DPYSL2: variants seen among roughly 807,000 people sequenced by gnomAD.
DPYSL2 encodes the protein dihydropyrimidinase-related protein 2.
In DPYSL2, 13 loss-of-function variants were observed where a neutral mutation model predicts 69.9. That is an observed-to-expected ratio of 0.19 (90% confidence interval 0.12 to 0.30). The LOEUF is 0.30. DPYSL2 is among the 10% of genes least tolerant of loss of function. DPYSL2 has a pLI of 1.00. For synonymous variants in DPYSL2, 326 were observed against 359.1 expected (o/e 0.91, Z 1.04); for missense variants, 587 against 918.9 (o/e 0.64, Z 4.67).
intron 1 of DPYSL2, among the ~76,000 whole-genome samples, chr8:26,568,157 A>G (rs548183370): frequency 6.6e-5 from 10 of 152,324 alleles, no homozygotes; most frequent in African/African-American, 2.2e-4. Flanking sequence ...GATAGGAAGA[A>G]TTCTGTCTGG....
Position 26,617,363 on chromosome 8 carries a change from C to T in DPYSL2, c.629-6780C>T, listed in dbSNP as rs138454145. Among the ~76,000 whole-genome samples the T allele has an allele frequency of 5.3e-5, 8 of 152,234 alleles. No individual in the cohort carries two copies. The highest frequency in any genetic ancestry group is 1.9e-4 in the East Asian group (1 of 5,184). Reference sequence around the variant, plus strand: ...ATAATAAAATTAGACAGTGTGGTGGCGCACGCCTGTGGTCCTAGCTATTTG... The same window carrying T: ...ATAATAAAATTAGACAGTGTGGTGGTGCACGCCTGTGGTCCTAGCTATTTG... On this transcript the variant is annotated intron_variant, in intron 3 of 13. Transcript: ENST00000521913. The surrounding 1 kb of genome is among the most constrained non-coding windows in gnomAD (Gnocchi z 4.7).
chr8:26,655,873 C>T lies in DPYSL2; in HGVS notation c.*167C>T, dbSNP rs1803376937. 7 of 531,074 alleles carry T rather than the reference C, an allele frequency of 1.3e-5. No individual in the cohort carries two copies. The highest frequency in any genetic ancestry group is 4.0e-5 in the South Asian group (1 of 24,724). 32.9% of individuals were successfully genotyped at this position (531,074 alleles called of 1,614,324 possible). ...GGGTCCCCCTTGGGGCCCCACACCCCGTCTCTCACCAAGAGTTACTGATTT... is the reference window on the plus strand; with the variant it reads ...GGGTCCCCCTTGGGGCCCCACACCCTGTCTCTCACCAAGAGTTACTGATTT... On this transcript the variant is annotated 3_prime_UTR_variant, in exon 14 of 14. Transcript: ENST00000521913.
rs971953246 is a variant in DPYSL2, at chr8:26,610,659, CT to C, written c.629-13483del. On this transcript the variant is annotated intron_variant, in intron 3 of 13. Transcript: ENST00000521913. The surrounding 1 kb of genome is among the most constrained non-coding windows in gnomAD (Gnocchi z 4.5). The stretch of plus-strand genomic sequence containing the variant: ...AATCCTCTGTCCTAGCCTATCCCCC[CT>C]GCTCTCCCCTGGCATAGAAGGGTGC... Among the ~76,000 whole-genome samples the C allele has an allele frequency of 3.3e-5, 5 of 152,138 alleles. No homozygotes were observed. The highest frequency in any genetic ancestry group is 1.3e-4 in the Admixed American group (2 of 15,266).
rs751865740 is a variant in DPYSL2 at position 26,627,289 on chromosome 8, T to A, written c.930T>A (p.Ile310=). ...AQVHAENGDI[I]AEEQQRILDL... The stretch of plus-strand genomic sequence containing the variant: ...TCCACGCAGAAAATGGCGACATCAT[T>A]GCAGAGGTACAGGGCTTTCTTTTTC... Residue 310 remains isoleucine (I), a synonymous_variant, in exon 6 of 14, where the codon ATT becomes ATA. Coordinates refer to ENST00000521913, the MANE Select transcript of DPYSL2 (RefSeq NM_001197293.3). This position sits in a 1 kb window ranked among gnomAD's most constrained non-coding sequence, Gnocchi z 6.9. The A allele has an allele frequency of 6.2e-7, 1 of 1,614,170 alleles. No homozygotes were observed. The highest frequency in any genetic ancestry group is 1.1e-5 in the South Asian group (1 of 91,070).
Position 26,643,323 on chromosome 8 carries a change from C to A in DPYSL2, c.1127-116C>A. ...ATCTGCGAGATGAGCCTGATATTTC[C>A]TATAAAGGGATAGTGAGTGCACTGG... On this transcript the variant is annotated intron_variant, in intron 8 of 13. Transcript: ENST00000521913. This position sits in a 1 kb window ranked among gnomAD's most constrained non-coding sequence, Gnocchi z 6.5. 2 of 1,133,442 alleles carry A rather than the reference C, an allele frequency of 1.8e-6. No individual in the cohort carries two copies. Among genetic ancestry groups the A allele is most frequent in the Non-Finnish European group, 2.5e-6 (2 of 807,304 alleles). 70.2% of individuals were successfully genotyped at this position (1,133,442 alleles called of 1,614,324 possible).
intron 3 of DPYSL2, among the ~76,000 whole-genome samples, chr8:26,602,481 A>G (rs572976013): frequency 4.8e-4 from 73 of 152,264 alleles, no homozygotes; most frequent in Admixed American, 2.0e-3. Context: ...TATGCTAGAC[A>G]CCTGAGGCTG....
rs940955656 is a variant in DPYSL2 at position 26,577,793 on chromosome 8, G to T, written c.355-4176G>T. 4.0e-6 allele frequency: 4 copies of T among 991,302 alleles called. No individual in the cohort carries two copies. In the African/African-American group the frequency reaches 7.0e-5, roughly 17 times the overall value. 61.4% of individuals were successfully genotyped at this position (991,302 alleles called of 1,614,324 possible). A position where few individuals can be genotyped will look rare whatever the true frequency, so the allele number is the denominator to read the frequency against. On this transcript the variant is annotated intron_variant, in intron 1 of 13. Coordinates refer to ENST00000521913, the MANE Select transcript of DPYSL2 (RefSeq NM_001197293.3). ...TCACTGCCGCATTTCGCGCTCTCGCGCCGCGCCCCGCCCCACCGGCCTAAA... is the reference window on the plus strand; with the variant it reads ...TCACTGCCGCATTTCGCGCTCTCGCTCCGCGCCCCGCCCCACCGGCCTAAA...
intron 1 of DPYSL2, among the ~76,000 whole-genome samples, chr8:26,543,632 C>A (rs761582000): frequency 1.3e-5 from 2 of 152,124 alleles, no homozygotes; most frequent in Non-Finnish European, 2.9e-5. Flanking sequence ...GGATTACAGG[C>A]ATGTGCCACC....
Position 26,627,722 on chromosome 8 carries a change from C to A in DPYSL2, c.937-150C>A. 1.3e-6 allele frequency: 1 copy of A among 765,152 alleles called. No individual in the cohort carries two copies. The highest frequency in any genetic ancestry group is 2.2e-6 in the Non-Finnish European group (1 of 460,986). 47.4% of individuals were successfully genotyped at this position (765,152 alleles called of 1,614,324 possible). ...GGGACTGGGAACAGGGCAGTGAACC[C>A]TTCTCTTCATGAGGTCTTGGGATGA... On this transcript the variant is annotated intron_variant, in intron 6 of 13. Coordinates refer to ENST00000521913, the MANE Select transcript of DPYSL2 (RefSeq NM_001197293.3). This position sits in a 1 kb window ranked among gnomAD's most constrained non-coding sequence, Gnocchi z 6.9.
intron 1 of DPYSL2, among the ~76,000 whole-genome samples, chr8:26,575,827 GTCTCTTTATTTACT>G (rs978454970): frequency 7.2e-5 from 11 of 152,150 alleles, no homozygotes; most frequent in African/African-American, 2.7e-4. Context: ...ATTAATTTGA[GTCTCTTTATTTACT>G]CCCTTGCCAA....
At position 26,585,566 on chromosome 8, in the gene DPYSL2, G is replaced by GTTTTC. The variant is rs1302023898; in HGVS notation, c.628+1583_628+1584insTTTTC. On this transcript the variant is annotated intron_variant, in intron 3 of 13. Transcript: ENST00000521913. This position sits in a 1 kb window ranked among gnomAD's most constrained non-coding sequence, Gnocchi z 4.0. Reference sequence around the variant, plus strand: ...CCATTTTCCAGGGATGTCGGGGGGAGATTTCATGCACACCTAGGGAGAGCA... The same window carrying GTTTTC: ...CCATTTTCCAGGGATGTCGGGGGGAGTTTTCATTTCATGCACACCTAGGGAGAGCA... Among the ~76,000 whole-genome samples the GTTTTC allele has an allele frequency of 5.5e-4, 83 of 152,268 alleles. No homozygotes were observed. The highest frequency in any genetic ancestry group is 1.8e-3 in the African/African-American group (76 of 41,536).
intron 1 of DPYSL2, among the ~76,000 whole-genome samples, chr8:26,531,978 G>C (rs1800516598): frequency 2.0e-5 from 3 of 152,024 alleles, no homozygotes; most frequent in Non-Finnish European, 4.4e-5. Context: ...GGTTTGCCAG[G>C]GATATGGGCA....
At position 26,647,820 on chromosome 8, in the gene DPYSL2, C is replaced by T; in HGVS notation, c.1596+20C>T. On this transcript the variant is annotated intron_variant, in intron 11 of 13. Coordinates refer to ENST00000521913, the MANE Select transcript of DPYSL2 (RefSeq NM_001197293.3). This position sits in a 1 kb window ranked among gnomAD's most constrained non-coding sequence, Gnocchi z 5.1. ...AACAGCGTAAGACCTGTTAACTGTG[C>T]AGACCCCATCCAAACGAATTACAGT... 2 of 1,590,334 alleles carry T rather than the reference C, an allele frequency of 1.3e-6. No individual in the cohort carries two copies. The highest frequency in any genetic ancestry group is 1.7e-6 in the Non-Finnish European group (2 of 1,167,202).
At chr8:26,578,255 A>G (rs2129717062) in intron 1 of DPYSL2, 1 of 1,614,156 alleles carries the variant, frequency 6.2e-7, no homozygotes, top group East Asian at 2.2e-5. Context: ...CAGGAGAGAG[A>G]TGTCTTATCA....
chr8:26,613,368 G>T (rs1041690296), intron 3 of DPYSL2, among the ~76,000 whole-genome samples: 5 of 152,242 alleles, frequency 3.3e-5, no homozygotes, highest in Non-Finnish European at 5.9e-5. Context: ...CCTCATTCCA[G>T]GGCCCAGGCC....
rs1802307011 is a variant in DPYSL2 at position 26,614,636 on chromosome 8, A to G, written c.629-9507A>G. Reference sequence around the variant, plus strand: ...TTGGCTTAACACTTCCCCCAGAGTTAGTCATAATCATTCTAGCAGGGCTTC... The same window carrying G: ...TTGGCTTAACACTTCCCCCAGAGTTGGTCATAATCATTCTAGCAGGGCTTC... On this transcript the variant is annotated intron_variant, in intron 3 of 13. Coordinates refer to ENST00000521913, the MANE Select transcript of DPYSL2 (RefSeq NM_001197293.3). The surrounding 1 kb of genome is among the most constrained non-coding windows in gnomAD (Gnocchi z 4.9). 6.6e-6 allele frequency among the ~76,000 whole-genome samples: 1 copy of G among 152,204 alleles called. No individual in the cohort carries two copies. The highest frequency in any genetic ancestry group is 2.4e-5 in the African/African-American group (1 of 41,450).
chr8:26,572,048 G>C (rs532799448), intron 1 of DPYSL2, among the ~76,000 whole-genome samples: 1 of 152,188 alleles, frequency 6.6e-6, no homozygotes, highest in Non-Finnish European at 1.5e-5. Flanking sequence ...CTGTGTTAGA[G>C]GCCACAGCCC....
intron 3 of DPYSL2, among the ~76,000 whole-genome samples, chr8:26,600,972 C>G (rs551017689): frequency 6.6e-6 from 1 of 152,202 alleles, no homozygotes; most frequent in Non-Finnish European, 1.5e-5. Flanking sequence ...CTGTTAGCCT[C>G]TTCCTCCAGT....
At position 26,650,944 on chromosome 8, in the gene DPYSL2, A is replaced by G. The variant is rs575399262; in HGVS notation, c.1597-1313A>G. ...GTTGTCCCCCAACCCAGTGGCACAA[A>G]CAAACCCATATCCCCCTAGAAGAAC... On this transcript the variant is annotated intron_variant, in intron 11 of 13. Transcript: ENST00000521913. This position sits in a 1 kb window ranked among gnomAD's most constrained non-coding sequence, Gnocchi z 5.3. Among the ~76,000 whole-genome samples, 2 of 152,328 alleles carry G rather than the reference A, an allele frequency of 1.3e-5. No homozygotes were observed. Among genetic ancestry groups the G allele is most frequent in the Non-Finnish European group, 2.9e-5 (2 of 68,032 alleles).
Sources: gnomAD v4.1 joint callset for allele counts (sites outside exome capture counted in the v4.1 genomes callset) on GRCh38, gnomAD v4.1.1 for gene constraint, Gnocchi (gnomAD v3.1) non-coding constraint, MANE v1.5 for transcripts, NCBI Gene and HGNC (gene_info 2026-07-23, HGNC 2026-07-21) for gene names.